The following ITIH5 variants were observed in gnomAD, a reference collection of about 807,000 sequenced individuals.
The protein encoded by ITIH5 is inter-alpha-trypsin inhibitor heavy chain 5.
ITIH5 carries 65 observed loss-of-function variants against 77.5 expected under a neutral mutation model. The observed-to-expected ratio is 0.84, with a 90% CI of 0.69 to 1.03. The LOEUF is 1.03. ITIH5 is among the 50% of genes least tolerant of loss of function. The pLI is 0.00. For missense variants in ITIH5, 1,208 were observed against 1,213.1 expected (o/e 1.00, Z 0.06); for synonymous variants, 525 against 494.3 (o/e 1.06, Z -0.82).
At chr10:7,578,723 TA>T (rs1271304809) in intron 9 of ITIH5, 1 of 152,196 alleles carries the variant, frequency 6.6e-6, no homozygotes, top group Non-Finnish European at 1.5e-5. Context: ...TGCTTTTAAG[TA>T]GATACCACAT....
intron 9 of ITIH5, among the ~76,000 whole-genome samples, chr10:7,579,439 T>C (rs1393849635): frequency 6.6e-6 from 1 of 151,968 alleles, no homozygotes; most frequent in African/African-American, 2.4e-5. Context: ...GCAAGAGAAT[T>C]GCTTGAACCC....
At chr10:7,578,929 T>G (rs1281595536) in intron 9 of ITIH5, among the ~76,000 whole-genome samples, 1 of 152,256 alleles carries the variant, frequency 6.6e-6, no homozygotes, top group Non-Finnish European at 1.5e-5. Flanking sequence ...AATCTGATTA[T>G]TTAACAGTTT....
intron 5 of ITIH5, chr10:7,619,623 G>T: frequency 2.6e-6 from 1 of 387,986 alleles, no homozygotes. Flanking sequence ...TTACAATCAC[G>T]CAGAAGGCAA....
chr10:7,640,095 A>G (rs534468952), intron 4 of ITIH5, among the ~76,000 whole-genome samples: 21 of 150,930 alleles, frequency 1.4e-4, no homozygotes, highest in Non-Finnish European at 3.0e-4. Flanking sequence ...TTTTTATCAA[A>G]AAAAATTTTT....
chr10:7,640,687 C>A, intron 4 of ITIH5, 67 bp downstream of exon 4: 1 of 952,998 alleles, frequency 1.0e-6, no homozygotes, highest in South Asian at 1.4e-5. Flanking sequence ...GAGGAGTAGG[C>A]AAAGGCATAG....
chr10:7,644,517 A>C (rs555419879), intron 2 of ITIH5, among the ~76,000 whole-genome samples: 1 of 130,148 alleles, frequency 7.7e-6, no homozygotes, highest in Non-Finnish European at 1.6e-5. Flanking sequence ...TATGATATAT[A>C]TCACATATAT....
In ITIH5 at chr10:7,629,081, G is replaced by A. The variant is rs1258329637; in HGVS notation, c.652+8147C>T. 1.4e-4 allele frequency among the ~76,000 whole-genome samples: 19 copies of A among 134,642 alleles called. 2 individuals are homozygous for A. Among genetic ancestry groups the A allele is most frequent in the African/African-American group, 2.7e-4 (10 of 37,446 alleles). The allele number at this position is 134,642 out of a possible 152,430, so 88.3% of individuals were successfully genotyped here. On this transcript the variant is annotated intron_variant, in intron 5 of 13. Transcript: ENST00000397146. ...TTGTAGCGTGTGCCCATGTTGTAGCGTGTATCCATGTTGTAGTGTGTGTCC... is the reference window on the plus strand; with the variant it reads ...TTGTAGCGTGTGCCCATGTTGTAGCATGTATCCATGTTGTAGTGTGTGTCC...
intron 2 of ITIH5, among the ~76,000 whole-genome samples, chr10:7,645,039 G>C (rs1247106908): frequency 2.0e-5 from 3 of 150,670 alleles, no homozygotes; most frequent in African/African-American, 7.3e-5. Flanking sequence ...CCAAGCACAT[G>C]AGGAAGGGGA....
chr10:7,618,744 A>C (rs144697806), intron 5 of ITIH5: 5 of 152,386 alleles, frequency 3.3e-5, no homozygotes, highest in Non-Finnish European at 7.3e-5. Flanking sequence ...CAGAATGAAA[A>C]AGGAAATGAG....
intron 7 of ITIH5, among the ~76,000 whole-genome samples, chr10:7,602,603 G>GT (rs111318484): frequency 2.0e-5 from 3 of 152,242 alleles, no homozygotes; most frequent in African/African-American, 7.2e-5. Flanking sequence ...TGCCATGATA[G>GT]TAAGTTTCCT....
At chr10:7,632,349 C>A (rs1027312108) in intron 5 of ITIH5, among the ~76,000 whole-genome samples, 4 of 152,114 alleles carry the variant, frequency 2.6e-5, no homozygotes, top group Admixed American at 2.6e-4. Context: ...GAGGTGGTAG[C>A]AGCGTTCTAA....
At chr10:7,656,242 C>T (rs1834179549) in intron 1 of ITIH5, among the ~76,000 whole-genome samples, 1 of 152,120 alleles carries the variant, frequency 6.6e-6, no homozygotes. Context: ...TTAGACATGG[C>T]CTCGCTGTGT....
chr10:7,585,485 C>G (rs1832653059), intron 8 of ITIH5, among the ~76,000 whole-genome samples: 1 of 152,194 alleles, frequency 6.6e-6, no homozygotes, highest in Admixed American at 6.5e-5. Flanking sequence ...ACCAAGAGGG[C>G]TCCTTGTTTT....
chr10:7,640,296 C>A (rs1466449567), intron 4 of ITIH5, among the ~76,000 whole-genome samples: 3 of 151,432 alleles, frequency 2.0e-5, no homozygotes, highest in Non-Finnish European at 4.4e-5. Flanking sequence ...TGTAGCAAGA[C>A]CCGATCTCTA....
chr10:7,584,735 T>C (rs1314365861), intron 8 of ITIH5, among the ~76,000 whole-genome samples: 2 of 152,248 alleles, frequency 1.3e-5, no homozygotes, highest in Non-Finnish European at 2.9e-5. Context: ...GCCCTCTGTG[T>C]TAGGAACTGT....
rs1321492158 is a variant in ITIH5, at chr10:7,563,073, G to A, written c.*10C>T. ...TCCTTCATGCACTTGCATCTTTAAG[G>A]CTGCCAGCTTCAGAGCTCCCTGGAC... On this transcript the variant is annotated 3_prime_UTR_variant, in exon 14 of 14. Coordinates refer to ENST00000397146, the MANE Select transcript of ITIH5 (RefSeq NM_030569.7). 1.2e-6 allele frequency: 2 copies of A among 1,612,520 alleles called. No individual in the cohort carries two copies. The highest frequency in any genetic ancestry group is 1.7e-6 in the Non-Finnish European group (2 of 1,178,664).
intron 5 of ITIH5, among the ~76,000 whole-genome samples, chr10:7,626,317 C>T (rs535330999): frequency 2.0e-5 from 3 of 152,096 alleles, no homozygotes; most frequent in Non-Finnish European, 4.4e-5. Flanking sequence ...TTGGGTTGAC[C>T]GTGCCACGCT....
chr10:7,629,098 T>A lies in ITIH5; in HGVS notation c.652+8130A>T, dbSNP rs1382053339. On this transcript the variant is annotated intron_variant, in intron 5 of 13. Coordinates refer to ENST00000397146, the MANE Select transcript of ITIH5 (RefSeq NM_030569.7). ...GTTGTAGCGTGTATCCATGTTGTAG[T>A]GTGTGTCCATGTTGTAGAGTGTGTC... 6.1e-4 allele frequency among the ~76,000 whole-genome samples: 43 copies of A among 71,004 alleles called. 4 individuals are homozygous for A. Among genetic ancestry groups the A allele is most frequent in the East Asian group, 2.1e-3 (5 of 2,382 alleles). 46.6% of individuals were successfully genotyped at this position (71,004 alleles called of 152,430 possible).
At chr10:7,608,601 A>G (rs1480261022) in intron 7 of ITIH5, among the ~76,000 whole-genome samples, 1 of 152,160 alleles carries the variant, frequency 6.6e-6, no homozygotes, top group African/African-American at 2.4e-5. Context: ...CTCTTTTGAA[A>G]TGTGGCAGAC....
Sources: gnomAD v4.1 joint callset for allele counts (sites outside exome capture counted in the v4.1 genomes callset) on GRCh38, gnomAD v4.1.1 for gene constraint, MANE v1.5 for transcripts, NCBI Gene and HGNC (gene_info 2026-07-23, HGNC 2026-07-21) for gene names.